Variants in MYLK observed in about 807,000 individuals in gnomAD.
The protein encoded by MYLK is myosin light chain kinase, smooth muscle.
A neutral mutation model predicts 203.4 loss-of-function variants in MYLK; 106 were observed. That is an observed-to-expected ratio of 0.52 (90% CI 0.45 to 0.61). MYLK has a LOEUF of 0.61. MYLK is among the 20% of genes least tolerant of loss of function. The pLI, the probability that MYLK is intolerant of heterozygous loss-of-function variation, is 0.00. For synonymous variants in MYLK, 867 were observed against 959.5 expected, an observed-to-expected ratio of 0.90 and a Z score of 1.78; for missense variants, 2,072 against 2,442.3, an observed-to-expected ratio of 0.85 and a Z score of 3.20.
At chr3:123,824,164 G>A (rs527763606) in intron 3 of MYLK, among the ~76,000 whole-genome samples, 166 of 150,438 alleles carry the variant, frequency 1.1e-3, no homozygotes, top group African/African-American at 3.4e-3. Flanking sequence ...ATCTCAGCTC[G>A]CCGCAACCTC....
chr3:123,685,725 A>G (rs926299330), intron 19 of MYLK, among the ~76,000 whole-genome samples: 2 of 152,132 alleles, frequency 1.3e-5, no homozygotes, highest in Non-Finnish European at 2.9e-5. Context: ...CCACCTTCAG[A>G]AAACACTCCC....
chr3:123,711,418 G>A (rs820339), intron 13 of MYLK, among the ~76,000 whole-genome samples: 126,383 of 152,178 alleles, frequency 0.83, 56,458 homozygotes, highest in Non-Finnish European at 0.99. Context: ...CAGGGAGTGT[G>A]TCGGCAAGTC....
chr3:123,817,097 G>T (rs1180184628), intron 3 of MYLK, among the ~76,000 whole-genome samples: 1 of 152,196 alleles, frequency 6.6e-6, no homozygotes, highest in Non-Finnish European at 1.5e-5. Context: ...CTGGAAGGAT[G>T]TTCAGAGGGA....
At chr3:123,692,390 T>C (rs1421561673) in intron 19 of MYLK, 1 of 1,189,166 alleles carries the variant, frequency 8.4e-7, no homozygotes, top group African/African-American at 1.6e-5. Flanking sequence ...GTGGCTTTTG[T>C]AAAATACTCT....
At chr3:123,650,655 A>T (rs1359695587) in intron 24 of MYLK, among the ~76,000 whole-genome samples, 1 of 152,218 alleles carries the variant, frequency 6.6e-6, no homozygotes, top group African/African-American at 2.4e-5. Flanking sequence ...CAGATAGTCT[A>T]GCTGAAGTAT....
At chr3:123,847,452 T>C (rs1577115395) in intron 2 of MYLK, among the ~76,000 whole-genome samples, 1 of 152,276 alleles carries the variant, frequency 6.6e-6, no homozygotes, top group East Asian at 1.9e-4. Context: ...ATGCTGAATA[T>C]AGCAATAAAG....
At chr3:123,711,682 C>A (rs1393675695) in intron 13 of MYLK, among the ~76,000 whole-genome samples, 1 of 152,124 alleles carries the variant, frequency 6.6e-6, no homozygotes, top group Admixed American at 6.5e-5. Flanking sequence ...GCCATTTTAG[C>A]AATTTTTGTT....
At chr3:123,819,370 T>C (rs2065846617) in intron 3 of MYLK, among the ~76,000 whole-genome samples, 1 of 152,190 alleles carries the variant, frequency 6.6e-6, no homozygotes, top group Admixed American at 6.5e-5. Context: ...CCTGGCTCTC[T>C]TGGTGTCAAC....
At chr3:123,734,245 G>GGGGGGGGGGGTGTGGGGGGGGT in intron 9 of MYLK, 23 bp from the exon 10 acceptor site, 1 of 489,714 alleles carries the variant, frequency 2.0e-6, no homozygotes, top group Non-Finnish European at 3.7e-6. Context: ...GAGGGTGGGG[G>GGGGGGGGGGGTGTGGGGGGGGT]TAGGGTGGGT....
Position 123,752,393 on chromosome 3 carries a change from T to A in MYLK, c.311A>T (p.Tyr104Phe). ...HAVHEEDRGK[Y>F]TCEATNGSGA... ...ACTGCCATTGGTGGCTTCACAGGTATACTTTCCCCTGTCCTCCTCATGGAC... is the reference window on the plus strand; with the variant it reads ...ACTGCCATTGGTGGCTTCACAGGTAAACTTTCCCCTGTCCTCCTCATGGAC... The change falls in exon 5 of 34, where the codon TAT (tyrosine) becomes TTT (phenylalanine). Residue 104 changes from tyrosine (Y) to phenylalanine (F), a missense_variant. Tyr to Phe is a conservative substitution (Grantham distance 22). Transcript: ENST00000360304. 6.2e-7 allele frequency: 1 copy of A among 1,614,204 alleles called. No homozygotes were observed. Among genetic ancestry groups the A allele is most frequent in the Admixed American group, 1.7e-5 (1 of 60,022 alleles).
intron 19 of MYLK, among the ~76,000 whole-genome samples, chr3:123,688,479 T>C (rs2060542689): frequency 6.6e-6 from 1 of 152,162 alleles, no homozygotes; most frequent in African/African-American, 2.4e-5. Context: ...CCTGTCCCTA[T>C]TGTGGCAACC....
chr3:123,882,620 G>A (rs1051158886), intron 1 of MYLK, among the ~76,000 whole-genome samples: 3 of 152,108 alleles, frequency 2.0e-5, no homozygotes, highest in Non-Finnish European at 4.4e-5. Flanking sequence ...AGTGAACAAT[G>A]AGACAGACCT....
At chr3:123,848,708 T>G (rs1250194063) in intron 2 of MYLK, among the ~76,000 whole-genome samples, 1 of 152,160 alleles carries the variant, frequency 6.6e-6, no homozygotes, top group African/African-American at 2.4e-5. Flanking sequence ...ATGTGAATGC[T>G]AAACTGGAAG....
rs2057290773 is a variant in MYLK, at chr3:123,613,109, G to GTATT, written c.*992_*995dup. 6.6e-6 allele frequency: 1 copy of GTATT among 152,282 alleles called. No individual in the cohort carries two copies. The highest frequency in any genetic ancestry group is 2.1e-4 in the South Asian group (1 of 4,834). The allele number at this position is 152,282 out of a possible 1,614,324, so 9.4% of individuals were successfully genotyped here. On this transcript the variant is annotated 3_prime_UTR_variant, in exon 34 of 34. Transcript: ENST00000360304. ...TTTGGAGAGTGTTGAGAATGAAGAT[G>GTATT]TATTAAACTCTGGCTATCTTGGAGG...
chr3:123,677,918 T>TATATATATATATATATATATATAC (rs1273803739), intron 20 of MYLK, among the ~76,000 whole-genome samples: 7 of 78,866 alleles, frequency 8.9e-5, no homozygotes, highest in Non-Finnish European at 1.6e-4. Flanking sequence ...TATATATATA[T>TATATATATATATATATATATATAC]ACACACACAC....
At chr3:123,870,601 T>C (rs944923306) in intron 2 of MYLK, among the ~76,000 whole-genome samples, 4 of 152,226 alleles carry the variant, frequency 2.6e-5, no homozygotes, top group South Asian at 2.1e-4. Context: ...TCTGGAACAG[T>C]TGAAAATCAA....
At chr3:123,635,405 A>G (rs886803050) in intron 29 of MYLK, among the ~76,000 whole-genome samples, 5 of 152,242 alleles carry the variant, frequency 3.3e-5, no homozygotes, top group Non-Finnish European at 5.9e-5. Flanking sequence ...ACTTCCATCC[A>G]TGCTGAGAGA....
chr3:123,734,796 T>G (rs759086832), intron 9 of MYLK: 11 of 166,412 alleles, frequency 6.6e-5, no homozygotes, highest in Non-Finnish European at 1.2e-4. Context: ...ATGCTATCCC[T>G]GCTGTTTGGA....
intron 29 of MYLK, chr3:123,630,368 A>C (rs1321018409): frequency 6.6e-6 from 1 of 152,252 alleles, no homozygotes; most frequent in Non-Finnish European, 1.5e-5. Context: ...CATCATCATG[A>C]TGGCAGCAGA....
Sources: allele counts gnomAD v4.1 joint callset (sites outside exome capture counted in the v4.1 genomes callset), GRCh38; gene constraint gnomAD v4.1.1; transcripts MANE v1.5; gene names NCBI Gene and HGNC (gene_info 2026-07-23, HGNC 2026-07-21).